Variants in EYA2 observed in about 807,000 individuals in gnomAD.
EYA2 encodes the protein EYA transcriptional coactivator and phosphatase 2.
EYA2 carries 31 observed loss-of-function variants against 69.2 expected under a neutral mutation model. The ratio of observed to expected loss-of-function variants is 0.45; its 90% confidence interval spans 0.34 to 0.60. EYA2 has a LOEUF of 0.60. Ranked by LOEUF, EYA2 falls within the 20% of genes least tolerant of loss-of-function variation. The probability of loss-of-function intolerance (pLI) is 0.02; values close to 1 mark genes in which losing one functional copy is unlikely to be tolerated. For synonymous variants in EYA2, 257 were observed against 279.4 expected, an observed-to-expected ratio of 0.92 and a Z score of 0.80; for missense variants, 622 against 701.2, an observed-to-expected ratio of 0.89 and a Z score of 1.28.
chr20:47,030,007 A>G (rs1450888445), intron 5 of EYA2, among the ~76,000 whole-genome samples: 1 of 152,188 alleles, frequency 6.6e-6, no homozygotes, highest in Non-Finnish European at 1.5e-5. Flanking sequence ...AATTACTCGT[A>G]ACTCTGTCAT....
At chr20:46,984,668 T>A (rs371125614) in intron 1 of EYA2, among the ~76,000 whole-genome samples, 2 of 152,340 alleles carry the variant, frequency 1.3e-5, no homozygotes, top group South Asian at 2.1e-4. Context: ...TGAAGAACAG[T>A]CTGCTAGTAC....
intron 10 of EYA2, chr20:47,161,377 G>T: frequency 2.3e-6 from 1 of 432,720 alleles, no homozygotes; most frequent in South Asian, 2.0e-5. Flanking sequence ...TGGCTGGCGT[G>T]GGTCTGCTTT....
At chr20:46,982,798 A>T (rs1277335914) in intron 1 of EYA2, among the ~76,000 whole-genome samples, 1 of 139,152 alleles carries the variant, frequency 7.2e-6, no homozygotes, top group African/African-American at 2.8e-5. Flanking sequence ...TTTGAGATAG[A>T]GTTTTGCTTG....
intron 1 of EYA2, among the ~76,000 whole-genome samples, chr20:46,920,702 G>A (rs1211293315): frequency 1.3e-5 from 2 of 152,198 alleles, no homozygotes; most frequent in Non-Finnish European, 2.9e-5. Context: ...GGTGGGGCCA[G>A]TGTGTCTCCC....
intron 5 of EYA2, among the ~76,000 whole-genome samples, chr20:47,067,844 C>G (rs756208013): frequency 1.3e-5 from 2 of 152,078 alleles, no homozygotes; most frequent in Non-Finnish European, 2.9e-5. Flanking sequence ...TTCCTTCATT[C>G]GAGGATGTCT....
At chr20:47,072,304 C>T in intron 6 of EYA2, 52 bp downstream of exon 6, 2 of 1,537,212 alleles carry the variant, frequency 1.3e-6, no homozygotes, top group East Asian at 2.3e-5. Context: ...GGAAATATTC[C>T]CCTTACATCA....
intron 14 of EYA2, among the ~76,000 whole-genome samples, chr20:47,182,684 C>CCAGTACTT (rs2034561764): frequency 6.7e-6 from 1 of 149,628 alleles, no homozygotes; most frequent in Non-Finnish European, 1.5e-5. Flanking sequence ...GCCTGTAATC[C>CCAGTACTT]CAGTACTTTG....
chr20:46,905,759 T>C (rs967907908), intron 1 of EYA2, among the ~76,000 whole-genome samples: 1 of 152,196 alleles, frequency 6.6e-6, no homozygotes, highest in Admixed American at 6.5e-5. Context: ...AAGAGCCCTC[T>C]GAGCCCCAAT....
chr20:47,134,149 T>C (rs914088997), intron 9 of EYA2, among the ~76,000 whole-genome samples: 5 of 152,208 alleles, frequency 3.3e-5, no homozygotes, highest in African/African-American at 1.2e-4. Context: ...TAAATGGCTC[T>C]TCCCAAGTAA....
rs905801207 is a variant in EYA2 at position 46,996,127 on chromosome 20, G to A, written c.110-5301G>A. Among the ~76,000 whole-genome samples the A allele has an allele frequency of 8.5e-5, 13 of 152,328 alleles. No individual in the cohort carries two copies. In the East Asian group the frequency reaches 1.5e-3, roughly 18 times the overall value. On this transcript the variant is annotated intron_variant, in intron 2 of 15. Coordinates refer to ENST00000327619, the MANE Select transcript of EYA2 (RefSeq NM_005244.5). ...TGCATGATAAACACTTGTTGACTGCGTGAATGAATGAAACATGGTGTGTAT... is the reference window on the plus strand; with the variant it reads ...TGCATGATAAACACTTGTTGACTGCATGAATGAATGAAACATGGTGTGTAT...
chr20:47,110,693 G>T (rs1173614657), intron 9 of EYA2, among the ~76,000 whole-genome samples: 1 of 152,210 alleles, frequency 6.6e-6, no homozygotes, highest in African/African-American at 2.4e-5. Context: ...ACAGTACCTG[G>T]CACCTCCACT....
At chr20:47,050,817 C>T (rs1233170596) in intron 5 of EYA2, among the ~76,000 whole-genome samples, 2 of 152,304 alleles carry the variant, frequency 1.3e-5, no homozygotes, top group Middle Eastern at 3.4e-3. Flanking sequence ...AGCGGCTTTG[C>T]AGGAGTGGAG....
intron 1 of EYA2, among the ~76,000 whole-genome samples, chr20:46,913,414 G>T (rs916778616): frequency 6.6e-6 from 1 of 152,124 alleles, no homozygotes; most frequent in Non-Finnish European, 1.5e-5. Context: ...TTGAGGCCAG[G>T]GTCAGATTTT....
At chr20:47,128,960 T>G (rs999853632) in intron 9 of EYA2, among the ~76,000 whole-genome samples, 9 of 151,988 alleles carry the variant, frequency 5.9e-5, no homozygotes, top group African/African-American at 1.9e-4. Context: ...CTGTCTTCAT[T>G]AAAAAATACA....
At chr20:47,069,740 T>C in intron 5 of EYA2, among the ~76,000 whole-genome samples, 1 of 152,176 alleles carries the variant, frequency 6.6e-6, no homozygotes. Flanking sequence ...ACCTACTGTG[T>C]ACCCACAAAA....
intron 1 of EYA2, among the ~76,000 whole-genome samples, chr20:46,900,012 T>C (rs1245913473): frequency 6.6e-6 from 1 of 152,250 alleles, no homozygotes; most frequent in African/African-American, 2.4e-5. Context: ...GAAACTCTTT[T>C]GTCATTTGGT....
chr20:47,052,026 G>A (rs2030365652), intron 5 of EYA2, among the ~76,000 whole-genome samples: 1 of 152,154 alleles, frequency 6.6e-6, no homozygotes, highest in Non-Finnish European at 1.5e-5. Context: ...GCTGGAAATA[G>A]TGCCGAGAAC....
At chr20:46,972,645 C>G (rs1270277588) in intron 1 of EYA2, among the ~76,000 whole-genome samples, 2 of 152,122 alleles carry the variant, frequency 1.3e-5, no homozygotes, top group African/African-American at 4.8e-5. Flanking sequence ...AGGTGGGGAC[C>G]CTTTTTATCC....
At chr20:47,067,449 T>C (rs952303601) in intron 5 of EYA2, among the ~76,000 whole-genome samples, 3 of 152,124 alleles carry the variant, frequency 2.0e-5, no homozygotes, top group Non-Finnish European at 4.4e-5. Flanking sequence ...AAGAGTATAA[T>C]TGGATTGTTT....
Sources: allele counts gnomAD v4.1 joint callset (sites outside exome capture counted in the v4.1 genomes callset), GRCh38; gene constraint gnomAD v4.1.1; transcripts MANE v1.5; gene names NCBI Gene and HGNC (gene_info 2026-07-23, HGNC 2026-07-21).